RBM18: variants seen among roughly 807,000 people sequenced by gnomAD.
RBM18 encodes probable RNA-binding protein 18.
A neutral mutation model predicts 26.4 loss-of-function variants in RBM18; 18 were observed. The observed-to-expected ratio is 0.68, with a 90% CI of 0.47 to 1.01. The LOEUF is 1.01. RBM18 is among the 50% of genes least tolerant of loss of function. The pLI is 0.00. For missense variants in RBM18, 180 were observed against 219.2 expected (o/e 0.82, Z 1.13); for synonymous variants, 74 against 81.1 (o/e 0.91, Z 0.47).
intron 2 of RBM18, among the ~76,000 whole-genome samples, chr9:122,259,284 CA>C (rs1200942079): frequency 1.3e-5 from 2 of 152,160 alleles, no homozygotes; most frequent in Non-Finnish European, 2.9e-5. Context: ...ACGCTGTTTC[CA>C]CACTTTAGAT....
chr9:122,256,320 C>T (rs143482337), intron 2 of RBM18, among the ~76,000 whole-genome samples: 132 of 152,286 alleles, frequency 8.7e-4, no homozygotes, highest in Non-Finnish European at 4.3e-4. Context: ...CCTTTATTTA[C>T]GATTTTCCCT....
intron 1 of RBM18, among the ~76,000 whole-genome samples, chr9:122,264,075 A>G (rs1037073398): frequency 9.9e-5 from 15 of 152,124 alleles, no homozygotes; most frequent in African/African-American, 3.1e-4. Flanking sequence ...ACAGCACAGG[A>G]CCTTGCCAAT....
At chr9:122,254,944 G>A (rs1234252726) in intron 2 of RBM18, among the ~76,000 whole-genome samples, 1 of 152,202 alleles carries the variant, frequency 6.6e-6, no homozygotes, top group Non-Finnish European at 1.5e-5. Context: ...GGTTGTGTCA[G>A]TGTGAGTGAG....
At position 122,241,192 on chromosome 9, in the gene RBM18, A is replaced by G. The variant is rs1588375421; in HGVS notation, c.*692T>C. 1.3e-5 allele frequency: 2 copies of G among 152,260 alleles called. No homozygotes were observed. Among genetic ancestry groups the G allele is most frequent in the Non-Finnish European group, 2.9e-5 (2 of 68,052 alleles). 9.4% of individuals were successfully genotyped at this position (152,260 alleles called of 1,614,324 possible). ...GCTATAGAATAAAAGTTCAATTTCC[A>G]AATAGAACTTGTGTTGTGGTATAAA... On this transcript the variant is annotated 3_prime_UTR_variant, in exon 6 of 6. Transcript: ENST00000417201.
At chr9:122,243,763 T>C in intron 5 of RBM18, 1 of 985,392 alleles carries the variant, frequency 1.0e-6, no homozygotes, top group African/African-American at 1.7e-5. Context: ...TTCTGGCCCC[T>C]CTTCCATTAA....
rs546541199 is a variant in RBM18 at position 122,238,965 on chromosome 9, G to A, written c.*2919C>T. ...TTTGTTGAAGAACTAGATAGGAGCT[G>A]GAGAGAAAAAGAGAAAACAGGGATA... On this transcript the variant is annotated 3_prime_UTR_variant, in exon 6 of 6. Coordinates refer to ENST00000417201, the MANE Select transcript of RBM18 (RefSeq NM_033117.4). 16 of 152,052 alleles carry A rather than the reference G, an allele frequency of 1.1e-4. No homozygotes were observed. Among genetic ancestry groups the A allele is most frequent in the African/African-American group, 3.6e-4 (15 of 41,468 alleles). The allele number at this position is 152,052 out of a possible 1,614,324, so 9.4% of individuals were successfully genotyped here. A position where few individuals can be genotyped will look rare whatever the true frequency, so the allele number is the denominator to read the frequency against.
chr9:122,252,557 TC>T (rs1398429615), intron 2 of RBM18, among the ~76,000 whole-genome samples: 10 of 152,204 alleles, frequency 6.6e-5, no homozygotes, highest in African/African-American at 2.4e-4. Context: ...TAGTGATACT[TC>T]CACAGCACTT....
Position 122,241,182 on chromosome 9 carries a change from T to C in RBM18, c.*702A>G, listed in dbSNP as rs1337925272. 2.0e-5 allele frequency: 3 copies of C among 152,228 alleles called. No homozygotes were observed. Among genetic ancestry groups the C allele is most frequent in the African/African-American group, 7.2e-5 (3 of 41,472 alleles). The allele number at this position is 152,228 out of a possible 1,614,324, so 9.4% of individuals were successfully genotyped here. On this transcript the variant is annotated 3_prime_UTR_variant, in exon 6 of 6. Coordinates refer to ENST00000417201, the MANE Select transcript of RBM18 (RefSeq NM_033117.4). Reference sequence around the variant, plus strand: ...AAAAATGGTTGCTATAGAATAAAAGTTCAATTTCCAAATAGAACTTGTGTT... The same window carrying C: ...AAAAATGGTTGCTATAGAATAAAAGCTCAATTTCCAAATAGAACTTGTGTT...
rs374024369 is a variant in RBM18 at position 122,245,218 on chromosome 9, C to T, written c.413+38G>A. 3.4e-6 allele frequency: 4 copies of T among 1,190,316 alleles called. No individual in the cohort carries two copies. The African/African-American group carries it at 4.6e-5, about 14-fold the overall frequency. The allele number at this position is 1,190,316 out of a possible 1,614,324, so 73.7% of individuals were successfully genotyped here. A position where few individuals can be genotyped will look rare whatever the true frequency, so the allele number is the denominator to read the frequency against. The stretch of plus-strand genomic sequence containing the variant: ...ATGGAATAATGAAATGGCTGAAGCT[C>T]CTGAATTACTGTGTCTTTCTATAGT... On this transcript the variant is annotated intron_variant, in intron 5 of 5. Transcript: ENST00000417201.
In RBM18 at chr9:122,245,297, G is replaced by A. The variant is rs751640399; in HGVS notation, c.372C>T (p.Leu124=). 3.2e-5 allele frequency: 51 copies of A among 1,610,530 alleles called. No homozygotes were observed. The East Asian group carries it at 5.4e-4, about 17-fold the overall frequency. ...NKNDKILPIS[L]EPSSSTEPTQ... is the part of the protein sequence containing the mutation. ...TAGGCTCAGTGCTTGAGGATGGCTC[G>A]AGACTGATTGGAAGAATCTTATCAT... Residue 124 remains leucine, a synonymous_variant, in exon 5 of 6, where the codon CTC becomes CTT. Coordinates refer to ENST00000417201, the MANE Select transcript of RBM18 (RefSeq NM_033117.4).
Position 122,247,409 on chromosome 9 carries a change from G to C in RBM18, c.327+109C>G, listed in dbSNP as rs868194397. ...GATACAAGTAGGAGACTGAAGTATG[G>C]CTGTTTCAGGTGTGAAGAGATTGGG... On this transcript the variant is annotated intron_variant, in intron 4 of 5. Transcript: ENST00000417201. 1.0e-4 allele frequency: 92 copies of C among 879,418 alleles called. No individual in the cohort carries two copies. In the African/African-American group the frequency reaches 1.3e-3, roughly 13 times the overall value. The allele number at this position is 879,418 out of a possible 1,614,324, so 54.5% of individuals were successfully genotyped here.
At chr9:122,261,535 G>C (rs1831796195) in intron 1 of RBM18, 27 bp from the exon 2 acceptor site, 1 of 1,371,770 alleles carries the variant, frequency 7.3e-7, no homozygotes, top group East Asian at 2.3e-5. Context: ...CATTCAGGCA[G>C]GAGGGGAGTA....
At chr9:122,260,115 G>A (rs910320539) in intron 2 of RBM18, among the ~76,000 whole-genome samples, 2 of 152,150 alleles carry the variant, frequency 1.3e-5, no homozygotes, top group Admixed American at 6.5e-5. Context: ...GGGAGGCCAA[G>A]GTGGGTGGAT....
Position 122,241,834 on chromosome 9 carries a change from T to A in RBM18, c.*50A>T, listed in dbSNP as rs1197728794. 1 of 1,562,232 alleles carries A rather than the reference T, an allele frequency of 6.4e-7. No individual in the cohort carries two copies. The highest frequency in any genetic ancestry group is 8.8e-7 in the Non-Finnish European group (1 of 1,138,666). ...TCTACAAAGTACACAGGCAGACGAT[T>A]TTAGGTGTGGAGACCAATTTGCTTT... is the stretch of plus-strand genomic sequence containing the variant. On this transcript the variant is annotated 3_prime_UTR_variant, in exon 6 of 6. Transcript: ENST00000417201.
Position 122,241,605 on chromosome 9 carries a change from T to C in RBM18, c.*279A>G, listed in dbSNP as rs1025560163. Reference sequence around the variant, plus strand: ...TTTTGCTCTGGCACACTATAGAATGTTTCTGGAGTTACAAATCCAAACCAA... The same window carrying C: ...TTTTGCTCTGGCACACTATAGAATGCTTCTGGAGTTACAAATCCAAACCAA... On this transcript the variant is annotated 3_prime_UTR_variant, in exon 6 of 6. Transcript: ENST00000417201. 3.2e-6 allele frequency: 1 copy of C among 310,434 alleles called. No homozygotes were observed. The highest frequency in any genetic ancestry group is 2.1e-5 in the African/African-American group (1 of 46,712). 19.2% of individuals were successfully genotyped at this position (310,434 alleles called of 1,614,324 possible).
intron 3 of RBM18, among the ~76,000 whole-genome samples, chr9:122,249,328 G>C (rs1057217303): frequency 5.3e-5 from 8 of 152,104 alleles, no homozygotes; most frequent in South Asian, 2.1e-4. Context: ...ATAAATAAAA[G>C]AGCCAGAAAT....
intron 2 of RBM18, among the ~76,000 whole-genome samples, chr9:122,258,101 C>G (rs114407182): frequency 2.6e-5 from 4 of 152,130 alleles, no homozygotes; most frequent in African/African-American, 7.2e-5. Flanking sequence ...CTCAGAGGAA[C>G]AAGATCCAGA....
intron 2 of RBM18, among the ~76,000 whole-genome samples, chr9:122,258,170 C>T (rs1831728537): frequency 6.6e-6 from 1 of 152,176 alleles, no homozygotes; most frequent in South Asian, 2.1e-4. Flanking sequence ...ATAAGATTTA[C>T]TTTACTAAAA....
chr9:122,250,724 C>T (rs1342470772), intron 3 of RBM18, among the ~76,000 whole-genome samples: 1 of 151,866 alleles, frequency 6.6e-6, no homozygotes, highest in Non-Finnish European at 1.5e-5. Context: ...CACTGTGTAA[C>T]GTGTTTATGT....
Sources: allele counts gnomAD v4.1 joint callset (sites outside exome capture counted in the v4.1 genomes callset), GRCh38; gene constraint gnomAD v4.1.1; transcripts MANE v1.5; gene names NCBI Gene and HGNC (gene_info 2026-07-23, HGNC 2026-07-21).